The following CROCC2 variants were observed in gnomAD, a reference collection of about 807,000 sequenced individuals.
CROCC2 encodes the protein ciliary rootlet coiled-coil protein 2.
CROCC2 carries 163 observed loss-of-function variants against 177.6 expected under a neutral mutation model. That is an observed-to-expected ratio of 0.92 (90% CI 0.81 to 1.05). CROCC2 has a LOEUF of 1.05. Among genes scored for constraint, CROCC2 ranks in the 50% least tolerant of loss-of-function variants. CROCC2 has a pLI of 0.00. For missense variants in CROCC2, 1,929 were observed against 1,797.8 expected (o/e 1.07, Z -1.32); for synonymous variants, 904 against 787.3 (o/e 1.15, Z -2.48).
At position 240,960,343 on chromosome 2, in the gene CROCC2, C is replaced by T. The variant is rs2059623383; in HGVS notation, c.3087+899C>T. On this transcript the variant is annotated intron_variant, in intron 20 of 31. Transcript: ENST00000690015. This position sits in a 1 kb window ranked among gnomAD's most constrained non-coding sequence, Gnocchi z 5.0. ...GATTTCGGGGTGTGCCTGGGCCTGG[C>T]CAAGGGCCCGAGGTTGACACGGAGG... Among the ~76,000 whole-genome samples the T allele has an allele frequency of 6.6e-6, 1 of 150,590 alleles. No individual in the cohort carries two copies. The highest frequency in any genetic ancestry group is 1.5e-5 in the Non-Finnish European group (1 of 67,506).
chr2:240,952,315 C>CAAAAAAAAAAAAAAAAAAAA (rs71049540), intron 18 of CROCC2, among the ~76,000 whole-genome samples: 1 of 113,536 alleles, frequency 8.8e-6, no homozygotes, highest in Non-Finnish European at 1.8e-5. Flanking sequence ...TACTCCTTCT[C>CAAAAAAAAAAAAAAAAAAAA]AAAAAAAAAA....
Position 240,933,708 on chromosome 2 carries a change from A to G in CROCC2, c.1502A>G (p.Lys501Arg). The G allele has an allele frequency of 6.5e-7, 1 of 1,550,326 alleles. No homozygotes were observed. The highest frequency in any genetic ancestry group is 8.7e-7 in the Non-Finnish European group (1 of 1,146,806). The change falls in exon 11 of 32, where the codon AAA becomes AGA. Residue 501 changes from lysine (K) to arginine (R), a missense_variant. By Grantham distance (26) the Lys-to-Arg change is conservative. This residue lies in a region of CROCC2 where 1,397 missense variants were observed against 1,239.9 expected (regional missense o/e 1.13). Transcript: ENST00000690015. ...CTGGAGATGGTGGTGGAGGAGCTGA[A>G]AGGGAAGGCAGATGCTGCAGATGCG... Reference protein sequence around the residue: ...AALEMVVEELKGKADAADAEK... With the variant: ...AALEMVVEELRGKADAADAEK...
chr2:240,959,025 G>A (rs2059612770), intron 19 of CROCC2: 1 of 390,970 alleles, frequency 2.6e-6, no homozygotes, highest in East Asian at 4.9e-5. Flanking sequence ...CCCTGCCCCA[G>A]GGCGCAGGCT....
Position 240,993,159 on chromosome 2 carries a change from T to C in CROCC2, c.*78T>C. The C allele has an allele frequency of 1.4e-6, 1 of 701,602 alleles. No homozygotes were observed. Among genetic ancestry groups the C allele is most frequent in the Non-Finnish European group, 2.7e-6 (1 of 374,594 alleles). 43.5% of individuals were successfully genotyped at this position (701,602 alleles called of 1,614,324 possible). On this transcript the variant is annotated 3_prime_UTR_variant, in exon 32 of 32. Transcript: ENST00000690015. ...CCGCAGGTGGGAGGGGCCCAGCTGA[T>C]TTCTCAGCGTCACAGTGAAAGGCAC...
At chr2:240,926,495 A>G (rs1187391836) in intron 5 of CROCC2, among the ~76,000 whole-genome samples, 2 of 152,230 alleles carry the variant, frequency 1.3e-5, no homozygotes, top group East Asian at 3.9e-4. Context: ...GAGGGCCTGA[A>G]GGTGTTCCCA....
chr2:240,920,540 G>T (rs947163273), intron 3 of CROCC2, among the ~76,000 whole-genome samples: 1 of 152,240 alleles, frequency 6.6e-6, no homozygotes, highest in African/African-American at 2.4e-5. Flanking sequence ...AGGAAAGCAG[G>T]CCAGCAGGCA....
rs1574745561 is a variant in CROCC2, at chr2:240,918,181, C to CAG, written c.79-541_79-540dup. Among the ~76,000 whole-genome samples, 1 of 152,190 alleles carries CAG rather than the reference C, an allele frequency of 6.6e-6. No individual in the cohort carries two copies. The highest frequency in any genetic ancestry group is 2.4e-5 in the African/African-American group (1 of 41,442). ...TGTGGAGGGGCAGTGGGCAGCTGAG[C>CAG]AGAGAAGGATGGGTTCAGCCTCAGC... On this transcript the variant is annotated intron_variant, in intron 1 of 31. Transcript: ENST00000690015. The surrounding 1 kb of genome is among the most constrained non-coding windows in gnomAD (Gnocchi z 6.3).
At position 240,993,308 on chromosome 2, in the gene CROCC2, C is replaced by T. The variant is rs894544534; in HGVS notation, c.*227C>T. ...GAATTTTAATAAATAGTTGAATCAG[C>T]GTAGGAGATGCTATTTTAACTTATT... On this transcript the variant is annotated 3_prime_UTR_variant, in exon 32 of 32. Transcript: ENST00000690015. 7.7e-6 allele frequency: 4 copies of T among 519,884 alleles called. No individual in the cohort carries two copies. The East Asian group carries it at 9.3e-5, about 12-fold the overall frequency. The allele number at this position is 519,884 out of a possible 1,614,324, so 32.2% of individuals were successfully genotyped here. A position where few individuals can be genotyped will look rare whatever the true frequency, so the allele number is the denominator to read the frequency against.
Position 240,927,236 on chromosome 2 carries a change from G to A in CROCC2, c.645+1356G>A, listed in dbSNP as rs551794792. 1.8e-3 allele frequency among the ~76,000 whole-genome samples: 280 copies of A among 152,252 alleles called. 1 individual carries two copies. The highest frequency in any genetic ancestry group is 2.9e-3 in the Non-Finnish European group (198 of 68,014). On this transcript the variant is annotated intron_variant, in intron 5 of 31. Transcript: ENST00000690015. Reference sequence around the variant, plus strand: ...CGGCTGCTCTGAAGACCCCTGCTCCGACTTGTTGTTGTGTCGTGTCCCTGT... The same window carrying A: ...CGGCTGCTCTGAAGACCCCTGCTCCAACTTGTTGTTGTGTCGTGTCCCTGT...
At chr2:240,948,877 CA>C (rs1290302262) in intron 15 of CROCC2, 101 bp from the exon 16 acceptor site, 1 of 1,046,506 alleles carries the variant, frequency 9.6e-7, no homozygotes, top group African/African-American at 1.6e-5. Context: ...CATTTATTTG[CA>C]TTTCAGCTGA....
chr2:240,925,262 C>T (rs924895720), intron 4 of CROCC2, among the ~76,000 whole-genome samples: 1 of 152,180 alleles, frequency 6.6e-6, no homozygotes, highest in African/African-American at 2.4e-5. Flanking sequence ...GACTTGCACC[C>T]CTACTGCAGC....
intron 7 of CROCC2, among the ~76,000 whole-genome samples, chr2:240,931,989 CAGA>C (rs1486121817): frequency 6.6e-6 from 1 of 152,252 alleles, no homozygotes; most frequent in Non-Finnish European, 1.5e-5. Flanking sequence ...GTGCTCCAGG[CAGA>C]AGGACTGGCC....
intron 14 of CROCC2, among the ~76,000 whole-genome samples, chr2:240,937,046 C>A (rs1182541417): frequency 6.6e-6 from 1 of 152,196 alleles, no homozygotes; most frequent in Non-Finnish European, 1.5e-5. Context: ...GTGTGTTGAA[C>A]TTTTATAGGG....
intron 18 of CROCC2, 83 bp from the exon 19 acceptor site, chr2:240,955,776 G>A: frequency 1.1e-6 from 1 of 935,908 alleles, no homozygotes; most frequent in African/African-American, 1.6e-5. Context: ...TCAGCATTCT[G>A]CCACAGCCTC....
At chr2:240,933,967 G>C in intron 11 of CROCC2, 115 bp downstream of exon 11, 3 of 1,187,896 alleles carry the variant, frequency 2.5e-6, no homozygotes, top group Admixed American at 2.4e-5. Context: ...TCTCATCTCA[G>C]GGTGTGGTGG....
intron 22 of CROCC2, 121 bp downstream of exon 22, chr2:240,964,746 A>T: frequency 7.9e-7 from 1 of 1,266,128 alleles, no homozygotes; most frequent in Non-Finnish European, 1.1e-6. Context: ...CTCTGTCCCC[A>T]GACTTTGGGC....
chr2:240,975,972 C>G (rs1045759000), intron 27 of CROCC2, among the ~76,000 whole-genome samples: 1 of 152,166 alleles, frequency 6.6e-6, no homozygotes, highest in Non-Finnish European at 1.5e-5. Flanking sequence ...CTCAGAAAAT[C>G]TGCCCATCTC....
chr2:240,933,105 GC>G (rs2059445066), intron 9 of CROCC2, 25 bp from the exon 10 acceptor site: 1 of 1,549,496 alleles, frequency 6.5e-7, no homozygotes, highest in Non-Finnish European at 8.7e-7. Flanking sequence ...GGCCAGAGAG[GC>G]CCACAACTTA....
At position 240,962,821 on chromosome 2, in the gene CROCC2, C is replaced by G. The variant is rs563022828; in HGVS notation, c.3088-735C>G. Reference sequence around the variant, plus strand: ...GGGCCGAGCCCCAGCAAGTCCCCACCCCCAGAGCGTAGGTGCTGGGGAGGG... The same window carrying G: ...GGGCCGAGCCCCAGCAAGTCCCCACGCCCAGAGCGTAGGTGCTGGGGAGGG... On this transcript the variant is annotated intron_variant, in intron 20 of 31. Coordinates refer to ENST00000690015, the MANE Select transcript of CROCC2 (RefSeq NM_001351305.2). 3.7e-4 allele frequency among the ~76,000 whole-genome samples: 57 copies of G among 152,310 alleles called. No individual in the cohort carries two copies. The South Asian group carries it at 3.9e-3, about 11-fold the overall frequency.
Sources: gnomAD v4.1 joint callset for allele counts (sites outside exome capture counted in the v4.1 genomes callset) on GRCh38, gnomAD v4.1.1 for gene constraint, gnomAD v4.1.1 regional missense constraint, Gnocchi (gnomAD v3.1) non-coding constraint, MANE v1.5 for transcripts, NCBI Gene and HGNC (gene_info 2026-07-23, HGNC 2026-07-21) for gene names.